TSPEAR: variants seen among roughly 807,000 people sequenced by gnomAD.
The protein encoded by TSPEAR is thrombospondin type laminin G domain and EAR repeats.
In TSPEAR, 69 loss-of-function variants were observed where a neutral mutation model predicts 71.6. The observed-to-expected ratio is 0.96, with a 90% CI of 0.79 to 1.18. TSPEAR has a LOEUF of 1.18. TSPEAR is among the 50% of genes most tolerant of loss of function. The probability of loss-of-function intolerance (pLI) is 0.00; values close to 1 mark genes in which losing one functional copy is unlikely to be tolerated. For synonymous variants in TSPEAR, 402 were observed against 387.2 expected (o/e 1.04, Z -0.45); for missense variants, 971 against 894.9 (o/e 1.09, Z -1.09).
chr21:44,703,839 A>G (rs1043359138), intron 1 of TSPEAR, among the ~76,000 whole-genome samples: 1 of 152,024 alleles, frequency 6.6e-6, no homozygotes, highest in Non-Finnish European at 1.5e-5. Flanking sequence ...TCCCCGCCAG[A>G]GCCGCCTCCT....
intron 1 of TSPEAR, among the ~76,000 whole-genome samples, chr21:44,585,067 C>CT (rs375052710): frequency 6.6e-6 from 1 of 152,136 alleles, no homozygotes; most frequent in African/African-American, 2.4e-5. Flanking sequence ...TGATGAGCAT[C>CT]TGCGGATTTT....
intron 2 of TSPEAR, among the ~76,000 whole-genome samples, chr21:44,542,999 T>C (rs1429460954): frequency 6.6e-6 from 1 of 152,120 alleles, no homozygotes; most frequent in African/African-American, 2.4e-5. Context: ...ATATATTTAC[T>C]GTCTGAAAGA....
intron 1 of TSPEAR, chr21:44,627,171 C>T: frequency 6.2e-7 from 1 of 1,611,616 alleles, no homozygotes; most frequent in Non-Finnish European, 8.5e-7. Context: ...CCCACCCCAG[C>T]ATGGCCGCGT....
intron 11 of TSPEAR, among the ~76,000 whole-genome samples, chr21:44,502,225 A>G (rs2052045852): frequency 6.6e-6 from 1 of 152,242 alleles, no homozygotes; most frequent in South Asian, 2.1e-4. Context: ...GGCCATGCTC[A>G]GATGTGCTCG....
At chr21:44,540,574 C>G (rs138174372) in intron 2 of TSPEAR, among the ~76,000 whole-genome samples, 1 of 152,172 alleles carries the variant, frequency 6.6e-6, no homozygotes. Context: ...CACTCACGAT[C>G]GTGGGGGCGT....
At chr21:44,598,704 T>C (rs1980536186) in intron 1 of TSPEAR, among the ~76,000 whole-genome samples, 1 of 152,210 alleles carries the variant, frequency 6.6e-6, no homozygotes, top group Non-Finnish European at 1.5e-5. Flanking sequence ...TCATCATGCA[T>C]TACTTTTCTA....
At chr21:44,584,463 A>G (rs460122) in intron 1 of TSPEAR, among the ~76,000 whole-genome samples, 143,933 of 152,294 alleles carry the variant, frequency 0.95, 68,167 homozygotes, top group Non-Finnish European at 0.97. Flanking sequence ...TGCTCATCAC[A>G]TGGTAGTTCT....
intron 10 of TSPEAR, among the ~76,000 whole-genome samples, chr21:44,507,518 CTTAA>C (rs1478543506): frequency 2.0e-5 from 3 of 151,968 alleles, no homozygotes; most frequent in Non-Finnish European, 2.9e-5. Flanking sequence ...TAAACATTAC[CTTAA>C]TTAATTGGTA....
At chr21:44,536,700 A>G (rs1299664999) in intron 2 of TSPEAR, among the ~76,000 whole-genome samples, 1 of 152,210 alleles carries the variant, frequency 6.6e-6, no homozygotes, top group Non-Finnish European at 1.5e-5. Context: ...CACAGGAAAA[A>G]CAATAGAAAT....
chr21:44,546,383 G>A lies in TSPEAR; in HGVS notation c.304-12460C>T, dbSNP rs587655222. Among the ~76,000 whole-genome samples, 1 of 152,328 alleles carries A rather than the reference G, an allele frequency of 6.6e-6. No individual in the cohort carries two copies. Among genetic ancestry groups the A allele is most frequent in the South Asian group, 2.1e-4 (1 of 4,824 alleles). ...AGAGTCTCGCTCTGTTGCCCAGGCTGGAGTGCAGTGGTGCGATCTCTGCTC... is the reference window on the plus strand; with the variant it reads ...AGAGTCTCGCTCTGTTGCCCAGGCTAGAGTGCAGTGGTGCGATCTCTGCTC... On this transcript the variant is annotated intron_variant, in intron 2 of 11. Transcript: ENST00000323084. The surrounding 1 kb of genome is among the most constrained non-coding windows in gnomAD (Gnocchi z 4.4).
chr21:44,523,733 C>T (rs1315012108), intron 8 of TSPEAR, among the ~76,000 whole-genome samples: 9 of 150,496 alleles, frequency 6.0e-5, no homozygotes, highest in Admixed American at 4.6e-4. Context: ...GTCAGGTAGT[C>T]AGCCAGGTAG....
At chr21:44,573,100 A>C (rs587641747) in intron 1 of TSPEAR, among the ~76,000 whole-genome samples, 2 of 152,288 alleles carry the variant, frequency 1.3e-5, no homozygotes, top group African/African-American at 4.8e-5. Context: ...TTGTGTGACC[A>C]GCCAGTTTGT....
At chr21:44,668,678 C>A (rs1355670337) in intron 1 of TSPEAR, among the ~76,000 whole-genome samples, 1 of 152,156 alleles carries the variant, frequency 6.6e-6, no homozygotes, top group African/African-American at 2.4e-5. Context: ...GTGGTACTGG[C>A]ATAAAGACCA....
At chr21:44,634,507 G>T (rs1983432530) in intron 1 of TSPEAR, among the ~76,000 whole-genome samples, 1 of 152,124 alleles carries the variant, frequency 6.6e-6, no homozygotes, top group South Asian at 2.1e-4. Context: ...AAATTAAAAA[G>T]TTTTGTGCAT....
intron 2 of TSPEAR, among the ~76,000 whole-genome samples, chr21:44,547,834 C>A (rs1478406257): frequency 1.3e-5 from 2 of 152,104 alleles, no homozygotes; most frequent in Non-Finnish European, 2.9e-5. Flanking sequence ...CCTTCCCTTC[C>A]TGCTTGCTCA....
At chr21:44,548,999 C>T (rs937428605) in intron 2 of TSPEAR, among the ~76,000 whole-genome samples, 15 of 152,348 alleles carry the variant, frequency 9.8e-5, no homozygotes, top group East Asian at 3.9e-4. Context: ...TTTATCTTTG[C>T]GCAGAGAAGT....
intron 1 of TSPEAR, among the ~76,000 whole-genome samples, chr21:44,617,568 T>C (rs142671637): frequency 1.3e-3 from 204 of 152,360 alleles, no homozygotes; most frequent in African/African-American, 4.6e-3. Flanking sequence ...GAAATACAAC[T>C]GCAGGCAAGG....
intron 7 of TSPEAR, 81 bp from the exon 8 acceptor site, chr21:44,525,920 A>T: frequency 7.2e-7 from 1 of 1,386,916 alleles, no homozygotes; most frequent in Non-Finnish European, 1.0e-6. Flanking sequence ...TCTGAACATC[A>T]GCATCTCTCT....
intron 1 of TSPEAR, among the ~76,000 whole-genome samples, chr21:44,622,134 T>C (rs79666471): frequency 0.014 from 2,088 of 152,342 alleles, 43 homozygotes; most frequent in African/African-American, 0.048. Context: ...CTCCACATCA[T>C]GAGTCATCAG....
Sources: allele counts gnomAD v4.1 joint callset (sites outside exome capture counted in the v4.1 genomes callset), GRCh38; gene constraint gnomAD v4.1.1; non-coding constraint Gnocchi (gnomAD v3.1); transcripts MANE v1.5; gene names NCBI Gene and HGNC (gene_info 2026-07-23, HGNC 2026-07-21).